GALNT17: variants seen among roughly 807,000 people sequenced by gnomAD.
GALNT17 encodes UDP-GalNAc:polypeptide N-acetylgalactosaminyltransferase-like 3.
GALNT17 carries 29 observed loss-of-function variants against 63.7 expected under a neutral mutation model. The observed-to-expected ratio is 0.46, with a 90% CI of 0.34 to 0.62. The LOEUF (loss-of-function observed/expected upper bound fraction) is 0.62. Ranked by LOEUF, GALNT17 falls within the 20% of genes least tolerant of loss-of-function variation. The pLI is 0.01. For synonymous variants in GALNT17, 305 were observed against 318.3 expected (o/e 0.96, Z 0.45); for missense variants, 603 against 799.6 (o/e 0.75, Z 2.97).
intron 1 of GALNT17, among the ~76,000 whole-genome samples, chr7:71,246,596 CGAGGAGG>C (rs1271670600): frequency 1.9e-4 from 29 of 151,718 alleles, no homozygotes; most frequent in Admixed American, 1.9e-3. Flanking sequence ...TTTGGGAGGC[CGAGGAGG>C]GCGGATCACG....
intron 1 of GALNT17, among the ~76,000 whole-genome samples, chr7:71,202,106 A>G (rs1393826048): frequency 6.6e-6 from 1 of 152,174 alleles, no homozygotes; most frequent in African/African-American, 2.4e-5. Flanking sequence ...CCTTTCCCCC[A>G]AATAGTATTT....
At chr7:71,391,544 G>A (rs1011048584) in intron 3 of GALNT17, among the ~76,000 whole-genome samples, 4 of 152,124 alleles carry the variant, frequency 2.6e-5, no homozygotes, top group Admixed American at 2.0e-4. Flanking sequence ...GTGCGGTGGT[G>A]CGATCACAGC....
intron 1 of GALNT17, among the ~76,000 whole-genome samples, chr7:71,173,129 C>T (rs1026273596): frequency 5.9e-5 from 9 of 152,182 alleles, no homozygotes; most frequent in Non-Finnish European, 1.3e-4. Context: ...TGGCCCTGGA[C>T]ACTGACATGC....
intron 5 of GALNT17, among the ~76,000 whole-genome samples, chr7:71,449,103 A>ATTTTTTTTT (rs1583963031): frequency 2.0e-4 from 9 of 45,626 alleles, no homozygotes; most frequent in East Asian, 1.4e-3. Flanking sequence ...ACAGCTGCCT[A>ATTTTTTTTT]TTTTCTTTTT....
chr7:71,293,916 T>C (rs1791028965), intron 1 of GALNT17, among the ~76,000 whole-genome samples: 1 of 152,130 alleles, frequency 6.6e-6, no homozygotes, highest in Non-Finnish European at 1.5e-5. Context: ...TCCCAGCACT[T>C]TGGGAGGCCA....
chr7:71,173,797 T>A (rs1788587123), intron 1 of GALNT17, among the ~76,000 whole-genome samples: 1 of 134,124 alleles, frequency 7.5e-6, no homozygotes, highest in South Asian at 2.3e-4. Context: ...AAATAAATAA[T>A]AAATAGAAGT....
At chr7:71,227,331 T>G (rs766686840) in intron 1 of GALNT17, among the ~76,000 whole-genome samples, 1 of 150,888 alleles carries the variant, frequency 6.6e-6, no homozygotes, top group African/African-American at 2.4e-5. Context: ...GCAATTGTAC[T>G]CCAGCCTGGA....
At chr7:71,687,584 T>C (rs961800755) in intron 9 of GALNT17, among the ~76,000 whole-genome samples, 10 of 152,270 alleles carry the variant, frequency 6.6e-5, no homozygotes, top group African/African-American at 2.4e-4. Flanking sequence ...AATATGCCTC[T>C]CCCATTTGAT....
At chr7:71,255,666 G>A (rs1306284325) in intron 1 of GALNT17, among the ~76,000 whole-genome samples, 1 of 152,172 alleles carries the variant, frequency 6.6e-6, no homozygotes, top group East Asian at 1.9e-4. Flanking sequence ...TGGAGAGAGT[G>A]TGGTGATGTG....
At chr7:71,471,406 A>AC (rs1049607451) in intron 5 of GALNT17, among the ~76,000 whole-genome samples, 5 of 149,134 alleles carry the variant, frequency 3.4e-5, no homozygotes, top group Admixed American at 6.7e-5. Flanking sequence ...TTCCAAAAAA[A>AC]AAAAAAAACA....
At chr7:71,686,535 C>A in intron 9 of GALNT17, among the ~76,000 whole-genome samples, 1 of 133,090 alleles carries the variant, frequency 7.5e-6, no homozygotes. Context: ...CACACACCAC[C>A]ATACCAGGCT....
At chr7:71,357,928 G>C (rs1159461235) in intron 2 of GALNT17, among the ~76,000 whole-genome samples, 2 of 152,100 alleles carry the variant, frequency 1.3e-5, no homozygotes, top group African/African-American at 2.4e-5. Flanking sequence ...GTAGCCAATC[G>C]CAGGGAGGAT....
At chr7:71,579,793 C>A (rs1222118271) in intron 6 of GALNT17, among the ~76,000 whole-genome samples, 2 of 151,948 alleles carry the variant, frequency 1.3e-5, no homozygotes, top group African/African-American at 4.8e-5. Flanking sequence ...AGAAAGTTGG[C>A]TTTTTCTTAA....
intron 1 of GALNT17, among the ~76,000 whole-genome samples, chr7:71,318,723 C>T (rs564606388): frequency 2.0e-5 from 3 of 152,250 alleles, no homozygotes; most frequent in South Asian, 2.1e-4. Flanking sequence ...CCACCTCTTG[C>T]GGCCCCCTGC....
In GALNT17 at chr7:71,167,633, A is replaced by G. The variant is rs531533978; in HGVS notation, c.238+34593A>G. Reference sequence around the variant, plus strand: ...TTTTATGGATCATACTTTTGGTATCATATCTAAAAATCTGTCTAAAACGCC... The same window carrying G: ...TTTTATGGATCATACTTTTGGTATCGTATCTAAAAATCTGTCTAAAACGCC... On this transcript the variant is annotated intron_variant, in intron 1 of 10. Transcript: ENST00000333538. 2.6e-5 allele frequency among the ~76,000 whole-genome samples: 4 copies of G among 152,310 alleles called. No individual in the cohort carries two copies. The East Asian group carries it at 7.7e-4, about 29-fold the overall frequency.
chr7:71,703,537 C>A (rs1004941963), intron 9 of GALNT17, among the ~76,000 whole-genome samples: 2 of 152,186 alleles, frequency 1.3e-5, no homozygotes, highest in African/African-American at 4.8e-5. Context: ...CATCAGACCC[C>A]ATCTCCAACA....
chr7:71,621,459 G>GTGGATGGA (rs1790287445), intron 6 of GALNT17, among the ~76,000 whole-genome samples: 1 of 151,230 alleles, frequency 6.6e-6, no homozygotes, highest in Non-Finnish European at 1.5e-5. Context: ...GAATAGGCGG[G>GTGGATGGA]TGGATGGATG....
intron 1 of GALNT17, among the ~76,000 whole-genome samples, chr7:71,285,554 T>C (rs1373078399): frequency 6.6e-6 from 1 of 152,190 alleles, no homozygotes; most frequent in Non-Finnish European, 1.5e-5. Context: ...TATGTTGAAA[T>C]TGTAACCTCC....
At chr7:71,220,415 A>G (rs1029090270) in intron 1 of GALNT17, among the ~76,000 whole-genome samples, 37 of 152,210 alleles carry the variant, frequency 2.4e-4, no homozygotes, top group African/African-American at 8.0e-4. Flanking sequence ...TGATATTTTC[A>G]TAACATCTTT....
Sources: allele counts gnomAD v4.1 joint callset (sites outside exome capture counted in the v4.1 genomes callset), GRCh38; gene constraint gnomAD v4.1.1; transcripts MANE v1.5; gene names NCBI Gene and HGNC (gene_info 2026-07-23, HGNC 2026-07-21).